NOX4: variants seen among roughly 807,000 people sequenced by gnomAD.
The protein encoded by NOX4 is kidney oxidase-1.
In NOX4, 69 loss-of-function variants were observed where a neutral mutation model predicts 87.6. The ratio of observed to expected loss-of-function variants is 0.79; its 90% CI spans 0.65 to 0.96. The LOEUF (loss-of-function observed/expected upper bound fraction) is 0.96. NOX4 is among the 40% of genes least tolerant of loss of function. NOX4 has a pLI of 0.00. For missense variants in NOX4, 680 were observed against 681.5 expected (o/e 1.00, Z 0.02); for synonymous variants, 275 against 238.2 (o/e 1.15, Z -1.42).
At chr11:89,455,719 CAT>C (rs60864771) in intron 2 of NOX4, among the ~76,000 whole-genome samples, 10,098 of 140,806 alleles carry the variant, frequency 0.072, 996 homozygotes, top group African/African-American at 0.22. Context: ...AAGATGAAGT[CAT>C]ATATATATAT....
the NOX4 span, among the ~76,000 whole-genome samples, chr11:89,534,501 T>G: frequency 6.6e-6 from 1 of 152,224 alleles, no homozygotes; most frequent in Non-Finnish European, 1.5e-5. Flanking sequence ...ACTAACATGA[T>G]TCATTCTCAT....
Position 89,371,883 on chromosome 11 carries a change from GA to G in NOX4, c.1135+1548del, listed in dbSNP as rs1346329595. On this transcript the variant is annotated intron_variant, in intron 12 of 17. Coordinates refer to ENST00000263317, the MANE Select transcript of NOX4 (RefSeq NM_016931.5). ...CTCAAAGATCTTTTTAATTCACTTA[GA>G]TGTTTGCCCATTAAATCCTATGTTG... Among the ~76,000 whole-genome samples the G allele has an allele frequency of 3.3e-5, 5 of 151,722 alleles. No individual in the cohort carries two copies. In the East Asian group the frequency reaches 9.7e-4, roughly 29 times the overall value.
At chr11:89,385,131 CAAT>C (rs1431698150) in intron 11 of NOX4, among the ~76,000 whole-genome samples, 1 of 152,178 alleles carries the variant, frequency 6.6e-6, no homozygotes, top group Non-Finnish European at 1.5e-5. Context: ...GACTATGCAT[CAAT>C]ATTTATACTG....
At chr11:89,491,510 AGC>A (rs1946856823), upstream of NOX4, 4 of 469,594 alleles carry the variant, frequency 8.5e-6, no homozygotes, top group East Asian at 1.1e-4. Context: ...CAGCGCTCTG[AGC>A]GCGCGGCCCA....
Position 89,325,947 on chromosome 11 carries a change from A to G in NOX4, c.*809T>C, listed in dbSNP as rs560381512. 6.7e-6 allele frequency: 1 copy of G among 148,762 alleles called. No individual in the cohort carries two copies. Among genetic ancestry groups the G allele is most frequent in the African/African-American group, 2.4e-5 (1 of 40,854 alleles). 9.2% of individuals were successfully genotyped at this position (148,762 alleles called of 1,614,324 possible). On this transcript the variant is annotated 3_prime_UTR_variant, in exon 18 of 18. Coordinates refer to ENST00000263317, the MANE Select transcript of NOX4 (RefSeq NM_016931.5). Reference sequence around the variant, plus strand: ...TGTATATATATATGTGTATATACATATATATATCCATATATATATATCCCT... The same window carrying G: ...TGTATATATATATGTGTATATACATGTATATATCCATATATATATATCCCT...
chr11:89,378,542 A>G (rs906039811), intron 11 of NOX4, among the ~76,000 whole-genome samples: 2 of 152,140 alleles, frequency 1.3e-5, no homozygotes, highest in African/African-American at 4.8e-5. Context: ...ATCAAGAACT[A>G]TTTCTAAATC....
chr11:89,544,256 A>G, the NOX4 span, among the ~76,000 whole-genome samples: 1 of 151,996 alleles, frequency 6.6e-6, no homozygotes, highest in African/African-American at 2.4e-5. Flanking sequence ...GGCTATTTCT[A>G]GCTTTTTAGT....
rs185119187 is a variant in NOX4, at chr11:89,403,133, A to C, written c.630-591T>G. 2.4e-4 allele frequency among the ~76,000 whole-genome samples: 37 copies of C among 152,264 alleles called. 1 individual carries two copies. Among genetic ancestry groups the C allele is most frequent in the African/African-American group, 8.9e-4 (37 of 41,574 alleles). On this transcript the variant is annotated intron_variant, in intron 8 of 17. Coordinates refer to ENST00000263317, the MANE Select transcript of NOX4 (RefSeq NM_016931.5). ...TTCTCCATAGACAGAACCACATAAA[A>C]AGTTCAAAATAATAAATCAGGCAGG...
chr11:89,409,271 T>C (rs1323361290), intron 8 of NOX4, among the ~76,000 whole-genome samples: 1 of 152,170 alleles, frequency 6.6e-6, no homozygotes, highest in Non-Finnish European at 1.5e-5. Context: ...CTTTCTCATC[T>C]TGTAATACCA....
chr11:89,333,576 G>C (rs1945566396), intron 17 of NOX4, among the ~76,000 whole-genome samples: 1 of 151,704 alleles, frequency 6.6e-6, no homozygotes, highest in Non-Finnish European at 1.5e-5. Flanking sequence ...GGTTTAATAA[G>C]TAATCACTTT....
At chr11:89,421,080 C>A (rs1014581650) in intron 8 of NOX4, among the ~76,000 whole-genome samples, 1 of 152,118 alleles carries the variant, frequency 6.6e-6, no homozygotes, top group Non-Finnish European at 1.5e-5. Context: ...TGCTTCTGAG[C>A]AAATATAGGG....
At chr11:89,523,731 T>A in the NOX4 span, among the ~76,000 whole-genome samples, 2 of 152,104 alleles carry the variant, frequency 1.3e-5, no homozygotes, top group Admixed American at 1.3e-4. Context: ...CAATACTCCA[T>A]CAATGAGTGA....
intron 2 of NOX4, among the ~76,000 whole-genome samples, chr11:89,464,268 C>T (rs566126769): frequency 6.6e-4 from 101 of 152,162 alleles, no homozygotes; most frequent in Non-Finnish European, 9.7e-4. Context: ...AACTTCTTTA[C>T]GATTCTGCAA....
chr11:89,413,701 G>C (rs930134891), intron 8 of NOX4, among the ~76,000 whole-genome samples: 36 of 151,990 alleles, frequency 2.4e-4, no homozygotes, highest in Non-Finnish European at 4.7e-4. Context: ...GTGGGGATGA[G>C]TATTGGTTAT....
At chr11:89,526,442 A>C in the NOX4 span, among the ~76,000 whole-genome samples, 1 of 152,288 alleles carries the variant, frequency 6.6e-6, no homozygotes, top group Middle Eastern at 3.4e-3. Flanking sequence ...TGAAAATATC[A>C]ATTTTCAAGT....
intron 2 of NOX4, among the ~76,000 whole-genome samples, chr11:89,489,618 C>T (rs1591376617): frequency 1.3e-5 from 2 of 151,444 alleles, no homozygotes; most frequent in Admixed American, 1.3e-4. Context: ...GTCCCAGCTA[C>T]TCAGAAGGCT....
upstream of NOX4, among the ~76,000 whole-genome samples, chr11:89,499,898 C>A (rs574331226): frequency 6.6e-6 from 1 of 152,160 alleles, no homozygotes; most frequent in Non-Finnish European, 1.5e-5. Flanking sequence ...TCATTCTAAC[C>A]TTGGACTTCA....
At chr11:89,414,613 T>A (rs12790559) in intron 8 of NOX4, among the ~76,000 whole-genome samples, 36,820 of 113,204 alleles carry the variant, frequency 0.33, 7,657 homozygotes, top group East Asian at 0.49. Context: ...AGTATCACAT[T>A]TTTTTTATTT....
intron 12 of NOX4, 53 bp downstream of exon 12, chr11:89,373,379 T>C (rs1380038751): frequency 2.9e-6 from 3 of 1,020,316 alleles, no homozygotes; most frequent in Non-Finnish European, 4.6e-6. Context: ...ATTCAAATTA[T>C]TACATTCCAC....
Sources: gnomAD v4.1 joint callset for allele counts (sites outside exome capture counted in the v4.1 genomes callset) on GRCh38, gnomAD v4.1.1 for gene constraint, MANE v1.5 for transcripts, NCBI Gene and HGNC (gene_info 2026-07-23, HGNC 2026-07-21) for gene names.